Variants in ENKD1 observed in about 807,000 individuals in gnomAD.
ENKD1 encodes the protein enkurin domain-containing protein 1.
ENKD1 carries 39 observed loss-of-function variants against 35.8 expected under a neutral mutation model. The observed-to-expected ratio is 1.09, with a 90% CI of 0.84 to 1.42. The LOEUF is 1.42. Among genes scored for constraint, ENKD1 ranks in the 40% most tolerant of loss-of-function variants. The pLI is 0.00. For missense variants in ENKD1, 474 were observed against 471.3 expected (o/e 1.01, Z -0.05); for synonymous variants, 205 against 198.6 (o/e 1.03, Z -0.27).
rs866031813 is a variant in ENKD1 at position 67,664,038 on chromosome 16, C to T, written c.478G>A (p.Glu160Lys). The change falls in exon 4 of 7, where the codon GAG (glutamate) becomes AAG (lysine). Residue 160 changes from glutamate to lysine, a missense_variant. Physicochemically the swap from Glu to Lys is moderately conservative, Grantham distance 56. Transcript: ENST00000243878. ...TGCGCCCGCAGGAAGTGGGCAGACT[C>T]TGTCCCAGAGGCAGGGCCAGGCTCC... The part of the protein sequence containing the change: ...LQEPGPASGT[E>K]SAHFLRAHSR... 4 of 1,560,952 alleles carry T rather than the reference C, an allele frequency of 2.6e-6. No homozygotes were observed. Among genetic ancestry groups the T allele is most frequent in the Non-Finnish European group, 3.5e-6 (4 of 1,152,072 alleles).
At position 67,666,679 on chromosome 16, in the gene ENKD1, C is replaced by G. The variant is rs2053108591; in HGVS notation, c.-237G>C. The G allele has an allele frequency of 2.0e-6, 1 of 503,614 alleles. No homozygotes were observed. The highest frequency in any genetic ancestry group is 3.4e-6 in the Non-Finnish European group (1 of 290,884). The allele number at this position is 503,614 out of a possible 1,614,324, so 31.2% of individuals were successfully genotyped here. On this transcript the variant is annotated 5_prime_UTR_variant, in exon 1 of 7. Coordinates refer to ENST00000243878, the MANE Select transcript of ENKD1 (RefSeq NM_032140.3). ...CGCTCGCGGCCTCTCCCCCGCGGCA[C>G]TCGGGCAGGGGCTCACTCGAGAGGT...
In ENKD1 at chr16:67,663,950, C is replaced by G. The variant is rs1487597469; in HGVS notation, c.566G>C (p.Gly189Ala). 1.2e-6 allele frequency: 2 copies of G among 1,605,150 alleles called. No homozygotes were observed. The highest frequency in any genetic ancestry group is 4.5e-5 in the East Asian group (2 of 44,638). The change falls in exon 4 of 7, where the codon GGT becomes GCT. Residue 189 changes from glycine (G) to alanine (A), a missense_variant. Physicochemically the swap from Gly to Ala is moderately conservative, Grantham distance 60 (BLOSUM62 0). Transcript: ENST00000243878. ...HVSSPQPTPP[G>A]PEAKEPGLGV... ...ACATCCTCTCACCTTAGCTTCGGGA[C>G]CTGGTGGGGTTGGCTGGGGACTAGA...
rs115927593 is a variant in ENKD1, at chr16:67,663,688, T to G, written c.712A>C (p.Asn238His). Residue 238 changes from asparagine (N) to histidine (H), a missense_variant, in exon 5 of 7, where the codon AAT (asparagine) becomes CAT (histidine). By Grantham distance (68) the Asn-to-His change is moderately conservative. Coordinates refer to ENST00000243878, the MANE Select transcript of ENKD1 (RefSeq NM_032140.3). ...GGCACATGGCCCTTCTGCGTGGCAT[T>G]GTAGTGCTCCTGGGCCTGCCGCTGC... Reference protein sequence around the residue: ...EQQRQAQEHYNATQKGHVPHY... With the variant: ...EQQRQAQEHYHATQKGHVPHY... The G allele has an allele frequency of 6.2e-7, 1 of 1,613,078 alleles. No homozygotes were observed. The highest frequency in any genetic ancestry group is 1.7e-5 in the Admixed American group (1 of 59,932).
Position 67,666,059 on chromosome 16 carries a change from C to A in ENKD1, c.280+12G>T. 1 of 1,611,050 alleles carries A rather than the reference C, an allele frequency of 6.2e-7. No homozygotes were observed. Among genetic ancestry groups the A allele is most frequent in the South Asian group, 1.1e-5 (1 of 91,014 alleles). Reference sequence around the variant, plus strand: ...CTGCCTCTCTGTCCCTTCTTCCATTCCTGGGACTTACTCTTGAGAGAGGCC... The same window carrying A: ...CTGCCTCTCTGTCCCTTCTTCCATTACTGGGACTTACTCTTGAGAGAGGCC... On this transcript the variant is annotated intron_variant, in intron 2 of 6. Coordinates refer to ENST00000243878, the MANE Select transcript of ENKD1 (RefSeq NM_032140.3).
At chr16:67,666,316 C>T (rs778895433) in intron 1 of ENKD1, 42 bp downstream of exon 1, 2 of 1,593,292 alleles carry the variant, frequency 1.3e-6, no homozygotes, top group South Asian at 2.2e-5. Context: ...GAGCCAGGGC[C>T]GACCCCTGAG....
intron 2 of ENKD1, among the ~76,000 whole-genome samples, 154 bp from the exon 3 acceptor site, chr16:67,665,322 C>T (rs551234370): frequency 6.6e-6 from 1 of 152,258 alleles, no homozygotes; most frequent in East Asian, 1.9e-4. Flanking sequence ...TCCCTCATCA[C>T]CGTGTTCCCT....
chr16:67,666,549 T>A lies in ENKD1; in HGVS notation c.-107A>T, dbSNP rs2053107004. The A allele has an allele frequency of 9.1e-7, 1 of 1,099,444 alleles. No individual in the cohort carries two copies. 68.1% of individuals were successfully genotyped at this position (1,099,444 alleles called of 1,614,324 possible). On this transcript the variant is annotated 5_prime_UTR_variant, in exon 1 of 7. Transcript: ENST00000243878. ...GGGCCCCCTCCCTCGCCCGGCACCC[T>A]GACCCTGGCGTGCCCGCCACTCCCG...
At chr16:67,665,279 C>G in intron 2 of ENKD1, 111 bp from the exon 3 acceptor site, 1 of 1,208,816 alleles carries the variant, frequency 8.3e-7, no homozygotes, top group Non-Finnish European at 1.2e-6. Context: ...AGCTCCCTGA[C>G]CTCTCCAACT....
Position 67,665,135 on chromosome 16 carries a change from A to G in ENKD1, c.314T>C (p.Leu105Pro). The G allele has an allele frequency of 6.2e-7, 1 of 1,613,790 alleles. No individual in the cohort carries two copies. Among genetic ancestry groups the G allele is most frequent in the East Asian group, 2.2e-5 (1 of 44,872 alleles). The change falls in exon 3 of 7, where the codon CTG becomes CCG. Residue 105 changes from leucine to proline, a missense_variant. Transcript: ENST00000243878. ...KDPKDHEKEN[L>P]RRIREIQKRF... ...CTTCTGAATCTCCCTGATCCGCCTC[A>G]GGTTCTCCTTCTCATGGTCCTTAGG...
At chr16:67,665,988 G>C in intron 2 of ENKD1, 83 bp downstream of exon 2, 1 of 1,456,842 alleles carries the variant, frequency 6.9e-7, no homozygotes, top group South Asian at 1.3e-5. Context: ...CTGGGCCCAC[G>C]TCAGGGTGGA....
In ENKD1 at chr16:67,666,544, C is replaced by G. The variant is rs2053106923; in HGVS notation, c.-102G>C. On this transcript the variant is annotated 5_prime_UTR_variant, in exon 1 of 7. Transcript: ENST00000243878. ...ACCCCGGGCCCCCTCCCTCGCCCGG[C>G]ACCCTGACCCTGGCGTGCCCGCCAC... The G allele has an allele frequency of 8.8e-7, 1 of 1,133,196 alleles. No individual in the cohort carries two copies. Among genetic ancestry groups the G allele is most frequent in the Non-Finnish European group, 1.2e-6 (1 of 851,282 alleles). The allele number at this position is 1,133,196 out of a possible 1,614,324, so 70.2% of individuals were successfully genotyped here. A position where few individuals can be genotyped will look rare whatever the true frequency, so the allele number is the denominator to read the frequency against.
At position 67,666,648 on chromosome 16, in the gene ENKD1, C is replaced by T; in HGVS notation, c.-206G>A. 3.9e-6 allele frequency: 2 copies of T among 518,820 alleles called. No individual in the cohort carries two copies. Among genetic ancestry groups the T allele is most frequent in the Non-Finnish European group, 6.6e-6 (2 of 303,902 alleles). The allele number at this position is 518,820 out of a possible 1,614,324, so 32.1% of individuals were successfully genotyped here. On this transcript the variant is annotated 5_prime_UTR_variant, in exon 1 of 7. Coordinates refer to ENST00000243878, the MANE Select transcript of ENKD1 (RefSeq NM_032140.3). ...CGACCTCTGCTCCCAGCCCACTTCT[C>T]GGTCCCGCTCGCGGCCTCTCCCCCG...
intron 2 of ENKD1, among the ~76,000 whole-genome samples, chr16:67,665,451 C>T (rs1391560496): frequency 6.6e-6 from 1 of 152,152 alleles, no homozygotes; most frequent in Admixed American, 6.5e-5. Flanking sequence ...TCATAGCTCA[C>T]TGTAGCCTCA....
intron 2 of ENKD1, 118 bp downstream of exon 2, chr16:67,665,953 A>G (rs2053095261): frequency 9.0e-7 from 1 of 1,112,460 alleles, no homozygotes; most frequent in Non-Finnish European, 1.3e-6. Flanking sequence ...TAGTTGGGGA[A>G]ACTGAGACTC....
chr16:67,666,721 G>A lies in ENKD1; in HGVS notation c.-279C>T. On this transcript the variant is annotated 5_prime_UTR_variant, in exon 1 of 7. Coordinates refer to ENST00000243878, the MANE Select transcript of ENKD1 (RefSeq NM_032140.3). The stretch of plus-strand genomic sequence containing the variant: ...TCGAGAGGTTTTGCCGCCAGCCGCT[G>A]CCACCCGACGGGACTTGTTGTTGCC... 1 of 483,254 alleles carries A rather than the reference G, an allele frequency of 2.1e-6. No homozygotes were observed. Among genetic ancestry groups the A allele is most frequent in the Non-Finnish European group, 3.6e-6 (1 of 278,476 alleles). The allele number at this position is 483,254 out of a possible 1,614,324, so 29.9% of individuals were successfully genotyped here. A position where few individuals can be genotyped will look rare whatever the true frequency, so the allele number is the denominator to read the frequency against.
intron 3 of ENKD1, 43 bp from the exon 4 acceptor site, chr16:67,664,105 C>A: frequency 1.3e-6 from 2 of 1,533,358 alleles, no homozygotes; most frequent in African/African-American, 1.4e-5. Flanking sequence ...AGGCTGAGGT[C>A]TGGGGCTCAA....
rs780860907 is a variant in ENKD1 at position 67,666,376 on chromosome 16, AGTT to A, written c.64_66del (p.Asn22del). 19 of 1,578,034 alleles carry A rather than the reference AGTT, an allele frequency of 1.2e-5. No homozygotes were observed. The East Asian group carries it at 4.4e-4, about 37-fold the overall frequency. ...GACTCACCCGAGGTCGGCCGCCTGT[AGTT>A]GTCAGGACAGAGCGTCGGGTCTGGG... On this transcript the variant is annotated inframe_deletion, in exon 1 of 7. Coordinates refer to ENST00000243878, the MANE Select transcript of ENKD1 (RefSeq NM_032140.3).
chr16:67,666,318 A>AC (rs2142987880), intron 1 of ENKD1, 40 bp downstream of exon 1: 1 of 1,590,982 alleles, frequency 6.3e-7, no homozygotes, highest in African/African-American at 1.3e-5. Context: ...GCCAGGGCCG[A>AC]CCCCTGAGCC....
chr16:67,664,216 A>G, intron 3 of ENKD1, 154 bp from the exon 4 acceptor site: 1 of 720,782 alleles, frequency 1.4e-6, no homozygotes, highest in Admixed American at 2.0e-5. Context: ...CAGCACACAA[A>G]TGTGTGAGTA....
Sources: gnomAD v4.1 joint callset for allele counts (sites outside exome capture counted in the v4.1 genomes callset) on GRCh38, gnomAD v4.1.1 for gene constraint, MANE v1.5 for transcripts, NCBI Gene and HGNC (gene_info 2026-07-23, HGNC 2026-07-21) for gene names.